Variants in LRRIQ1 observed in about 807,000 individuals in gnomAD.
LRRIQ1 encodes the protein leucine rich repeats and IQ motif containing 1.
In LRRIQ1, 210 loss-of-function variants were observed where a neutral mutation model predicts 211.9. The ratio of observed to expected loss-of-function variants is 0.99; its 90% confidence interval spans 0.89 to 1.11. The LOEUF (loss-of-function observed/expected upper bound fraction) is 1.11, where lower values mean the gene tolerates loss of function less well. LRRIQ1 is among the 50% of genes most tolerant of loss of function. The pLI is 0.00. For missense variants in LRRIQ1, 2,136 were observed against 1,939.5 expected (o/e 1.10, Z -1.90); for synonymous variants, 699 against 650.1 (o/e 1.08, Z -1.14).
At chr12:85,152,251 T>G in intron 19 of LRRIQ1, 29 bp from the exon 20 acceptor site, 1 of 1,562,982 alleles carries the variant, frequency 6.4e-7, no homozygotes, top group South Asian at 1.1e-5. Flanking sequence ...GTAAGCTAAA[T>G]TACATACATT....
chr12:85,211,521 A>G, intron 24 of LRRIQ1, among the ~76,000 whole-genome samples: 1 of 152,186 alleles, frequency 6.6e-6, no homozygotes, highest in Non-Finnish European at 1.5e-5. Flanking sequence ...ATGCCATTTT[A>G]TGTAGCAGAG....
intron 24 of LRRIQ1, among the ~76,000 whole-genome samples, chr12:85,221,739 G>A (rs927133344): frequency 5.3e-5 from 8 of 152,134 alleles, no homozygotes; most frequent in African/African-American, 1.9e-4. Context: ...ATTGAGACAG[G>A]AACCTAACAG....
In LRRIQ1 at chr12:85,154,010, A is replaced by G; in HGVS notation, c.4638-2A>G. On this transcript the variant is annotated splice_acceptor_variant, in intron 22 of 26. Coordinates refer to ENST00000393217, the MANE Select transcript of LRRIQ1 (RefSeq NM_001079910.2). LOFTEE classifies it high-confidence loss of function. ...CCTTTATTATATTTAATCTTTTAAT[A>G]GGGGCTTTAAGGATATTTCTACTGC... 2 of 1,537,470 alleles carry G rather than the reference A, an allele frequency of 1.3e-6. No individual in the cohort carries two copies. The highest frequency in any genetic ancestry group is 8.7e-7 in the Non-Finnish European group (1 of 1,143,934).
chr12:85,234,226 G>C (rs186551986), intron 26 of LRRIQ1, among the ~76,000 whole-genome samples: 2 of 152,178 alleles, frequency 1.3e-5, no homozygotes, highest in Admixed American at 1.3e-4. Context: ...GTCAGAGTGA[G>C]ACTCTCTTTC....
chr12:85,159,192 G>A (rs986975868), intron 23 of LRRIQ1, among the ~76,000 whole-genome samples: 11 of 151,948 alleles, frequency 7.2e-5, no homozygotes, highest in African/African-American at 2.2e-4. Context: ...ATAATAGTAT[G>A]AGGAAAGTAT....
intron 24 of LRRIQ1, among the ~76,000 whole-genome samples, chr12:85,217,920 A>G (rs1321365710): frequency 2.6e-5 from 4 of 151,262 alleles, no homozygotes; most frequent in Non-Finnish European, 5.9e-5. Context: ...AGCGGGCCCT[A>G]GTTTGGATGA....
chr12:85,226,897 A>G (rs1167653866), intron 24 of LRRIQ1, among the ~76,000 whole-genome samples: 1 of 151,852 alleles, frequency 6.6e-6, no homozygotes, highest in South Asian at 2.1e-4. Context: ...CATGGTGTAT[A>G]TGTGCCACAT....
intron 24 of LRRIQ1, among the ~76,000 whole-genome samples, chr12:85,219,746 T>C (rs1002667473): frequency 3.0e-4 from 46 of 152,090 alleles, no homozygotes; most frequent in African/African-American, 1.1e-3. Context: ...CATGAAGTCA[T>C]TTTTTCTGAG....
chr12:85,099,223 T>A (rs1237488549), intron 13 of LRRIQ1, among the ~76,000 whole-genome samples: 3 of 151,926 alleles, frequency 2.0e-5, no homozygotes, highest in Non-Finnish European at 4.4e-5. Flanking sequence ...TTTATCTTTC[T>A]AATTTTATTT....
rs1242505587 is a variant in LRRIQ1, at chr12:85,169,256, AT to A, written c.4822+8550del. Among the ~76,000 whole-genome samples, 5 of 152,092 alleles carry A rather than the reference AT, an allele frequency of 3.3e-5. No homozygotes were observed. In the East Asian group the frequency reaches 9.7e-4, roughly 29 times the overall value. On this transcript the variant is annotated intron_variant, in intron 24 of 26. Transcript: ENST00000393217. ...AATCTTGTAATCTGTTTTTTGCATG[AT>A]TTTTTTTATAAGTCTTGACTAGTAG...
chr12:85,057,723 G>T (rs2136001851), intron 8 of LRRIQ1, among the ~76,000 whole-genome samples: 1 of 152,108 alleles, frequency 6.6e-6, no homozygotes. Flanking sequence ...ATGTAAAATA[G>T]TTGTCATCAA....
At chr12:85,047,654 A>G in intron 6 of LRRIQ1, 184 bp downstream of exon 6, 2 of 519,320 alleles carry the variant, frequency 3.9e-6, no homozygotes, top group South Asian at 2.4e-5. Context: ...TTTTATTGAA[A>G]TTCATTGGAA....
At chr12:85,124,766 G>GT (rs555319496) in intron 17 of LRRIQ1, 1 of 367,074 alleles carries the variant, frequency 2.7e-6, no homozygotes, top group South Asian at 3.6e-5. Flanking sequence ...GTAAATGTGA[G>GT]TTTTTTTCTG....
At chr12:85,184,711 T>G (rs1480875312) in intron 24 of LRRIQ1, among the ~76,000 whole-genome samples, 4 of 151,114 alleles carry the variant, frequency 2.6e-5, no homozygotes, top group Non-Finnish European at 4.4e-5. Flanking sequence ...GTTTTGATAA[T>G]TTTTTTTTGC....
In LRRIQ1 at chr12:85,106,517, T is replaced by C; in HGVS notation, c.3284-5T>C. The C allele has an allele frequency of 1.3e-6, 2 of 1,586,206 alleles. No homozygotes were observed. The highest frequency in any genetic ancestry group is 1.7e-6 in the Non-Finnish European group (2 of 1,156,642). ...TACCTTTCAAAATGATTTTATTTTC[T>C]GTAGATCTTAAAAGTGCCATAAAAT... On this transcript the variant is annotated splice_polypyrimidine_tract_variant and splice_region_variant and intron_variant, in intron 14 of 26. Transcript: ENST00000393217.
At chr12:85,196,864 A>G (rs1030282371) in intron 24 of LRRIQ1, among the ~76,000 whole-genome samples, 1 of 152,208 alleles carries the variant, frequency 6.6e-6, no homozygotes, top group African/African-American at 2.4e-5. Flanking sequence ...GCACTGCAAA[A>G]GAAACTACCA....
At chr12:85,225,326 T>C (rs934784457) in intron 24 of LRRIQ1, among the ~76,000 whole-genome samples, 3 of 152,088 alleles carry the variant, frequency 2.0e-5, no homozygotes, top group Admixed American at 1.3e-4. Context: ...CAATCCCTTA[T>C]GGGTACTGAG....
chr12:85,176,541 A>G (rs1412166794), intron 24 of LRRIQ1, among the ~76,000 whole-genome samples: 3 of 138,112 alleles, frequency 2.2e-5, no homozygotes, highest in Non-Finnish European at 3.0e-5. Context: ...GAATTGAACA[A>G]TGAGATCACA....
At chr12:85,064,614 G>A (rs1666696724) in intron 8 of LRRIQ1, among the ~76,000 whole-genome samples, 1 of 151,690 alleles carries the variant, frequency 6.6e-6, no homozygotes, top group Non-Finnish European at 1.5e-5. Context: ...GTCCTGGAGA[G>A]TTTCCCCAAT....
Sources: gnomAD v4.1 joint callset for allele counts (sites outside exome capture counted in the v4.1 genomes callset) on GRCh38, gnomAD v4.1.1 for gene constraint, MANE v1.5 for transcripts, NCBI Gene and HGNC (gene_info 2026-07-23, HGNC 2026-07-21) for gene names.